FMN1: variants seen among roughly 807,000 people sequenced by gnomAD.
The protein encoded by FMN1 is formin-1.
In FMN1, 110 loss-of-function variants were observed where a neutral mutation model predicts 132.4. That is an observed-to-expected ratio of 0.83 (90% CI 0.71 to 0.97). FMN1 has a LOEUF of 0.97. FMN1 is among the 50% of genes least tolerant of loss of function. The pLI, the probability that FMN1 is intolerant of heterozygous loss-of-function variation, is 0.00. For synonymous variants in FMN1, 722 were observed against 651.7 expected, an observed-to-expected ratio of 1.11 and a Z score of -1.64; for missense variants, 1,792 against 1,705.3, an observed-to-expected ratio of 1.05 and a Z score of -0.90.
At chr15:32,831,218 A>AT (rs1182780225) in intron 17 of FMN1, among the ~76,000 whole-genome samples, 1 of 151,088 alleles carries the variant, frequency 6.6e-6, no homozygotes, top group African/African-American at 2.5e-5. Flanking sequence ...AGCTAATATT[A>AT]TTTTTACTTT....
intron 5 of FMN1, among the ~76,000 whole-genome samples, chr15:33,071,936 G>A (rs919618122): frequency 6.6e-6 from 1 of 152,130 alleles, no homozygotes; most frequent in Admixed American, 6.6e-5. Context: ...GCTGAAATAA[G>A]CACCTATTAC....
intron 6 of FMN1, among the ~76,000 whole-genome samples, chr15:33,018,759 C>T (rs1052905405): frequency 2.6e-5 from 4 of 152,084 alleles, no homozygotes; most frequent in African/African-American, 7.2e-5. Flanking sequence ...CTCTGATGTT[C>T]GGATGTGTTC....
intron 7 of FMN1, among the ~76,000 whole-genome samples, chr15:32,983,675 A>G (rs1184549960): frequency 1.3e-5 from 2 of 152,208 alleles, no homozygotes; most frequent in Non-Finnish European, 2.9e-5. Context: ...CTCTGTTGAA[A>G]AAAGACATTA....
chr15:33,048,215 T>G (rs901933012), intron 6 of FMN1, among the ~76,000 whole-genome samples: 2 of 152,202 alleles, frequency 1.3e-5, no homozygotes, highest in African/African-American at 4.8e-5. Flanking sequence ...CTTCAGCTTT[T>G]GAAAATTGTT....
At chr15:32,964,050 T>TAC (rs2030928104) in intron 9 of FMN1, 57 bp downstream of exon 9, 15 of 698,406 alleles carry the variant, frequency 2.1e-5, no homozygotes, top group Non-Finnish European at 2.9e-5. Context: ...CACACACACA[T>TAC]ATATACCATT....
At chr15:32,982,040 A>G (rs939365952) in intron 7 of FMN1, among the ~76,000 whole-genome samples, 2 of 151,600 alleles carry the variant, frequency 1.3e-5, no homozygotes, top group Non-Finnish European at 2.9e-5. Context: ...AAAAATAAGG[A>G]AAAAAAAATT....
At chr15:32,992,722 A>C (rs2033512022) in intron 7 of FMN1, among the ~76,000 whole-genome samples, 1 of 152,196 alleles carries the variant, frequency 6.6e-6, no homozygotes, top group African/African-American at 2.4e-5. Flanking sequence ...ATAACTCCTA[A>C]GACATGAAAT....
At chr15:32,805,292 T>G (rs2057638808) in intron 17 of FMN1, among the ~76,000 whole-genome samples, 1 of 152,254 alleles carries the variant, frequency 6.6e-6, no homozygotes, top group African/African-American at 2.4e-5. Flanking sequence ...GTCTATTGGC[T>G]GCATAAATGT....
chr15:33,087,340 G>A (rs1222863809), intron 5 of FMN1, among the ~76,000 whole-genome samples: 2 of 152,114 alleles, frequency 1.3e-5, no homozygotes, highest in African/African-American at 4.8e-5. Context: ...GAGGTCAAGA[G>A]TTCGAGAACA....
At chr15:33,084,927 G>A (rs1296558151) in intron 5 of FMN1, among the ~76,000 whole-genome samples, 2 of 152,148 alleles carry the variant, frequency 1.3e-5, no homozygotes, top group Non-Finnish European at 2.9e-5. Context: ...ACAGAAAAAG[G>A]CTTAAGAAAG....
intron 16 of FMN1, among the ~76,000 whole-genome samples, chr15:32,860,319 A>T (rs1382805198): frequency 6.6e-6 from 1 of 152,180 alleles, no homozygotes; most frequent in Non-Finnish European, 1.5e-5. Context: ...AGGTTTCTTC[A>T]TCTTAACTAG....
rs552115967 is a variant in FMN1, at chr15:33,180,742, G to T, written c.-196-480C>A. Among the ~76,000 whole-genome samples the T allele has an allele frequency of 8.0e-5, 8 of 100,064 alleles. No individual in the cohort carries two copies. The South Asian group carries it at 2.3e-3, about 29-fold the overall frequency. The allele number at this position is 100,064 out of a possible 152,430, so 65.6% of individuals were successfully genotyped here. A position where few individuals can be genotyped will look rare whatever the true frequency, so the allele number is the denominator to read the frequency against. The stretch of plus-strand genomic sequence containing the variant: ...AGATCCCTTCAGAGGCTCTCCTGCT[G>T]CCTTTTTTTTTTTTTTTTTTTTTTA... On this transcript the variant is annotated intron_variant, in intron 2 of 20. Transcript: ENST00000616417.
rs192749688 is a variant in FMN1, at chr15:33,154,101, T to C, written c.814A>G (p.Ser272Gly). 28,211 of 1,536,268 alleles carry C rather than the reference T, an allele frequency of 0.018. 314 individuals carry two copies. Among genetic ancestry groups the C allele is most frequent in the Non-Finnish European group, 0.021 (24,171 of 1,146,944 alleles). ...CCATCCCCTCCTGCCTCTGTGGAGCTGCAGTCAGGGGGCAGCACTTCTCTT... is the reference window on the plus strand; with the variant it reads ...CCATCCCCTCCTGCCTCTGTGGAGCCGCAGTCAGGGGGCAGCACTTCTCTT... ...LGREVLPPDC[S>G]STEAGGDGIR... is the part of the protein sequence containing the mutation. Residue 272 changes from serine to glycine, a missense_variant, in exon 4 of 21, where the codon AGC becomes GGC. Ser to Gly is a moderately conservative substitution (Grantham distance 56). Coordinates refer to ENST00000616417, the MANE Select transcript of FMN1 (RefSeq NM_001277313.2).
intron 6 of FMN1, among the ~76,000 whole-genome samples, chr15:33,061,766 T>G (rs1211081310): frequency 1.3e-4 from 20 of 151,876 alleles, no homozygotes; most frequent in Admixed American, 1.3e-3. Context: ...CTAAACAATA[T>G]AGAGGAAATA....
chr15:32,978,725 A>T (rs1011369268), intron 7 of FMN1, among the ~76,000 whole-genome samples: 5 of 152,176 alleles, frequency 3.3e-5, no homozygotes, highest in Non-Finnish European at 7.4e-5. Context: ...AATCATTTTA[A>T]TATTTCCCTC....
chr15:33,080,504 G>A (rs2038408812), intron 5 of FMN1, among the ~76,000 whole-genome samples: 1 of 152,192 alleles, frequency 6.6e-6, no homozygotes, highest in African/African-American at 2.4e-5. Flanking sequence ...TGTAATCCCA[G>A]AACTTTGTGA....
At chr15:33,120,525 T>C (rs1048494151) in intron 4 of FMN1, among the ~76,000 whole-genome samples, 8 of 152,210 alleles carry the variant, frequency 5.3e-5, no homozygotes, top group Admixed American at 1.3e-4. Context: ...ATCCAAAAAA[T>C]GAGAAAACCT....
chr15:32,934,180 AG>A (rs2061197801), intron 9 of FMN1, among the ~76,000 whole-genome samples: 1 of 152,264 alleles, frequency 6.6e-6, no homozygotes, highest in Admixed American at 6.5e-5. Context: ...AACATTTTAT[AG>A]GTATAATAAT....
intron 6 of FMN1, among the ~76,000 whole-genome samples, chr15:33,043,043 G>T (rs1040258069): frequency 2.6e-5 from 4 of 152,180 alleles, no homozygotes; most frequent in Admixed American, 2.0e-4. Context: ...TTTGACTTAT[G>T]ATGATTTTTC....
Sources: gnomAD v4.1 joint callset for allele counts (sites outside exome capture counted in the v4.1 genomes callset) on GRCh38, gnomAD v4.1.1 for gene constraint, MANE v1.5 for transcripts, NCBI Gene and HGNC (gene_info 2026-07-23, HGNC 2026-07-21) for gene names.